The following RYR3 variants were observed in gnomAD, a reference collection of about 807,000 sequenced individuals.
RYR3 encodes the protein ryanodine receptor 3.
RYR3 carries 207 observed loss-of-function variants against 584.3 expected under a neutral mutation model. The ratio of observed to expected loss-of-function variants is 0.35; its 90% CI spans 0.32 to 0.40. The LOEUF (loss-of-function observed/expected upper bound fraction) is 0.40, where lower values mean the gene tolerates loss of function less well. Among genes scored for constraint, RYR3 ranks in the 10% least tolerant of loss-of-function variants. The pLI, the probability that RYR3 is intolerant of heterozygous loss-of-function variation, is 1.00. For synonymous variants in RYR3, 2,416 were observed against 2,248.5 expected, an observed-to-expected ratio of 1.07 and a Z score of -2.11; for missense variants, 5,616 against 6,089.2, an observed-to-expected ratio of 0.92 and a Z score of 2.59.
chr15:33,732,404 C>T (rs1963235), intron 48 of RYR3, among the ~76,000 whole-genome samples: 13,655 of 143,068 alleles, frequency 0.095, 868 homozygotes, highest in East Asian at 0.29. Flanking sequence ...AAAAAAAAAG[C>T]GACCTACCTC....
intron 98 of RYR3, 123 bp from the exon 99 acceptor site, chr15:33,857,657 C>G: frequency 1.6e-6 from 2 of 1,238,442 alleles, no homozygotes; most frequent in Non-Finnish European, 2.3e-6. Context: ...CCCTCCACCC[C>G]TTCCCCATTT....
chr15:33,732,247 G>A (rs1026823516), intron 48 of RYR3, among the ~76,000 whole-genome samples: 3 of 151,706 alleles, frequency 2.0e-5, no homozygotes, highest in Non-Finnish European at 4.4e-5. Flanking sequence ...AAATAGCCGG[G>A]TATGGTGGCA....
In RYR3 at chr15:33,491,028, CT is replaced by C. The variant is rs532355730; in HGVS notation, c.172-12596del. The stretch of plus-strand genomic sequence containing the variant: ...TGTATTGGATGGGGCCAGGAACTAG[CT>C]TTTTTTAAAAAAATAAACTGCCAAC... On this transcript the variant is annotated intron_variant, in intron 2 of 103. Coordinates refer to ENST00000634891, the MANE Select transcript of RYR3 (RefSeq NM_001036.6). Among the ~76,000 whole-genome samples, 657 of 152,164 alleles carry C rather than the reference CT, an allele frequency of 4.3e-3. 4 individuals are homozygous for C. Among genetic ancestry groups the C allele is most frequent in the Non-Finnish European group, 7.1e-3 (482 of 67,988 alleles).
At chr15:33,641,475 C>T (rs960133032) in intron 27 of RYR3, among the ~76,000 whole-genome samples, 1 of 152,172 alleles carries the variant, frequency 6.6e-6, no homozygotes, top group African/African-American at 2.4e-5. Context: ...TATAAAGTTA[C>T]AAGATTTTTA....
chr15:33,330,685 A>G (rs1296669080), intron 1 of RYR3, among the ~76,000 whole-genome samples: 3 of 152,194 alleles, frequency 2.0e-5, no homozygotes, highest in African/African-American at 4.8e-5. Context: ...GTCGTTATTC[A>G]TGTAAGTGAA....
intron 61 of RYR3, 32 bp from the exon 62 acceptor site, chr15:33,769,080 G>C (rs767084850): frequency 1.9e-6 from 3 of 1,558,248 alleles, no homozygotes; most frequent in South Asian, 1.1e-5. Context: ...TGAGTGGTTT[G>C]AGGGAATCAC....
At chr15:33,744,301 A>T (rs2070459483) in intron 52 of RYR3, among the ~76,000 whole-genome samples, 1 of 152,188 alleles carries the variant, frequency 6.6e-6, no homozygotes, top group Non-Finnish European at 1.5e-5. Flanking sequence ...ACAGTTAAAC[A>T]TCTACACATT....
chr15:33,515,524 A>C (rs902158292), intron 3 of RYR3, among the ~76,000 whole-genome samples: 4 of 152,238 alleles, frequency 2.6e-5, no homozygotes, highest in Non-Finnish European at 5.9e-5. Context: ...TCATAACTTC[A>C]GTCTTTCCTA....
At chr15:33,581,792 C>G in intron 14 of RYR3, 149 bp downstream of exon 14, 1 of 692,916 alleles carries the variant, frequency 1.4e-6, no homozygotes, top group Non-Finnish European at 2.4e-6. Flanking sequence ...TCAATTTTAA[C>G]CCAGCTGTTC....
intron 51 of RYR3, among the ~76,000 whole-genome samples, chr15:33,740,862 C>G (rs2070023874): frequency 1.3e-5 from 2 of 152,230 alleles, no homozygotes; most frequent in Non-Finnish European, 2.9e-5. Context: ...GACAATTAAA[C>G]ACACATTCCG....
rs1481879052 is a variant in RYR3 at position 33,647,594 on chromosome 15, G to A, written c.3978+134G>A. ...TACTCTGTCTTTTAATATCCATCTT[G>A]ATGCTTCCAGAACACATCTGTGGCA... On this transcript the variant is annotated intron_variant, in intron 30 of 103. Coordinates refer to ENST00000634891, the MANE Select transcript of RYR3 (RefSeq NM_001036.6). 9.4e-6 allele frequency: 6 copies of A among 641,004 alleles called. No individual in the cohort carries two copies. The East Asian group carries it at 1.2e-4, about 12-fold the overall frequency. 39.7% of individuals were successfully genotyped at this position (641,004 alleles called of 1,614,324 possible). A position where few individuals can be genotyped will look rare whatever the true frequency, so the allele number is the denominator to read the frequency against.
At chr15:33,418,748 C>T (rs573179934) in intron 1 of RYR3, among the ~76,000 whole-genome samples, 1 of 152,238 alleles carries the variant, frequency 6.6e-6, no homozygotes, top group African/African-American at 2.4e-5. Context: ...TAACTTTACA[C>T]ACTGGGGGTA....
chr15:33,508,655 A>G (rs967332952), intron 3 of RYR3, among the ~76,000 whole-genome samples: 1 of 152,166 alleles, frequency 6.6e-6, no homozygotes, highest in African/African-American at 2.4e-5. Flanking sequence ...ATCTCAAAAC[A>G]AAACAAAACA....
intron 45 of RYR3, among the ~76,000 whole-genome samples, chr15:33,725,882 A>G (rs1274286917): frequency 7.0e-6 from 1 of 142,270 alleles, no homozygotes; most frequent in African/African-American, 2.6e-5. Flanking sequence ...AGGCAGGAGA[A>G]TTGTGTGAAC....
chr15:33,646,561 A>T, intron 29 of RYR3, 35 bp downstream of exon 29: 1 of 1,572,506 alleles, frequency 6.4e-7, no homozygotes, highest in Non-Finnish European at 8.7e-7. Flanking sequence ...AGAGGCACTC[A>T]TTGTATCTCC....
chr15:33,707,100 A>C (rs1469814057), intron 43 of RYR3, 46 bp downstream of exon 43: 1 of 1,603,864 alleles, frequency 6.2e-7, no homozygotes, highest in Non-Finnish European at 8.5e-7. Flanking sequence ...GAATAGCATG[A>C]TCGTGGATAC....
At chr15:33,488,183 C>T (rs995146414) in intron 2 of RYR3, among the ~76,000 whole-genome samples, 4 of 152,190 alleles carry the variant, frequency 2.6e-5, no homozygotes, top group African/African-American at 9.7e-5. Flanking sequence ...TAAAGGCAAT[C>T]TGTACCTTAG....
chr15:33,349,035 A>T (rs1221238143), intron 1 of RYR3, among the ~76,000 whole-genome samples: 1 of 149,492 alleles, frequency 6.7e-6, no homozygotes, highest in Admixed American at 6.7e-5. Flanking sequence ...GCTTTTTCAG[A>T]CTGGTTTCTT....
intron 3 of RYR3, among the ~76,000 whole-genome samples, chr15:33,523,713 C>G (rs1251970991): frequency 6.6e-6 from 1 of 151,932 alleles, no homozygotes; most frequent in East Asian, 1.9e-4. Flanking sequence ...GCACCAAGTC[C>G]CCAAAAACAA....
Sources: gnomAD v4.1 joint callset for allele counts (sites outside exome capture counted in the v4.1 genomes callset) on GRCh38, gnomAD v4.1.1 for gene constraint, MANE v1.5 for transcripts, NCBI Gene and HGNC (gene_info 2026-07-23, HGNC 2026-07-21) for gene names.